Variants in PCDHGB3 observed in about 807,000 individuals in gnomAD.
The protein encoded by PCDHGB3 is protocadherin gamma-B3.
A neutral mutation model predicts 59.2 loss-of-function variants in PCDHGB3; 40 were observed. That is an observed-to-expected ratio of 0.68 (90% CI 0.52 to 0.88). The LOEUF (loss-of-function observed/expected upper bound fraction) is 0.88, where lower values mean the gene tolerates loss of function less well. Among genes scored for constraint, PCDHGB3 ranks in the 40% least tolerant of loss-of-function variants. The probability of loss-of-function intolerance (pLI) is 0.00; values close to 1 mark genes in which losing one functional copy is unlikely to be tolerated. For missense variants in PCDHGB3, 1,309 were observed against 1,187.9 expected, an observed-to-expected ratio of 1.10 and a Z score of -1.50; for synonymous variants, 581 against 503.6, an observed-to-expected ratio of 1.15 and a Z score of -2.06.
intron 1 of PCDHGB3, chr5:141,414,697 T>C (rs748722995): frequency 6.2e-7 from 1 of 1,614,036 alleles, no homozygotes; most frequent in Non-Finnish European, 8.5e-7. Flanking sequence ...TCTGTCCTCA[T>C]ACATATCCAT....
intron 1 of PCDHGB3, among the ~76,000 whole-genome samples, chr5:141,482,828 T>G (rs1274498876): frequency 4.4e-5 from 6 of 135,272 alleles, no homozygotes; most frequent in Non-Finnish European, 9.5e-5. Flanking sequence ...TCCTAGCACT[T>G]TGGGAGGCCA....
intron 1 of PCDHGB3, chr5:141,393,114 CG>C: frequency 6.2e-7 from 1 of 1,613,418 alleles, no homozygotes; most frequent in Non-Finnish European, 8.5e-7. Flanking sequence ...TCAGAGCCCG[CG>C]GTGTCTGATA....
rs768990626 is a variant in PCDHGB3, at chr5:141,427,590, C to T, written c.2415+54781C>T. On this transcript the variant is annotated intron_variant, in intron 1 of 3. Coordinates refer to ENST00000576222, the MANE Select transcript of PCDHGB3 (RefSeq NM_018924.5). ...GCCTCCGCTCTCATCCAGCACAAGCCTCACCCTACGCATTGGTGAAGTCAA... is the reference window on the plus strand; with the variant it reads ...GCCTCCGCTCTCATCCAGCACAAGCTTCACCCTACGCATTGGTGAAGTCAA... 44 of 678,892 alleles carry T rather than the reference C, an allele frequency of 6.5e-5. No individual in the cohort carries two copies. In the Admixed American group the frequency reaches 8.5e-4, roughly 13 times the overall value. The allele number at this position is 678,892 out of a possible 1,614,324, so 42.1% of individuals were successfully genotyped here.
At chr5:141,471,111 C>T (rs529680278) in intron 1 of PCDHGB3, among the ~76,000 whole-genome samples, 1 of 146,150 alleles carries the variant, frequency 6.8e-6, no homozygotes, top group African/African-American at 2.6e-5. Flanking sequence ...TGCAGTGGTG[C>T]GATCTTACCT....
At chr5:141,461,507 T>C (rs1271911872) in intron 1 of PCDHGB3, among the ~76,000 whole-genome samples, 1 of 152,316 alleles carries the variant, frequency 6.6e-6, no homozygotes, top group East Asian at 1.9e-4. Context: ...TTCTTGGTGA[T>C]TTGTTAGTTC....
At chr5:141,506,487 G>A (rs1265051912) in intron 3 of PCDHGB3, among the ~76,000 whole-genome samples, 3 of 150,464 alleles carry the variant, frequency 2.0e-5, no homozygotes, top group Non-Finnish European at 4.4e-5. Flanking sequence ...TTAGAGGCAG[G>A]CCAATCTGGA....
chr5:141,432,286 C>T lies in PCDHGB3; in HGVS notation c.2415+59477C>T. ...TATCGTCCTACGTGTCCATCAACTCCGACACTGGGGTACTGTATGCGCTGA... is the reference window on the plus strand; with the variant it reads ...TATCGTCCTACGTGTCCATCAACTCTGACACTGGGGTACTGTATGCGCTGA... On this transcript the variant is annotated intron_variant, in intron 1 of 3. Transcript: ENST00000576222. This position sits in a 1 kb window ranked among gnomAD's most constrained non-coding sequence, Gnocchi z 6.0. 3 of 1,614,252 alleles carry T rather than the reference C, an allele frequency of 1.9e-6. No homozygotes were observed. Among genetic ancestry groups the T allele is most frequent in the Non-Finnish European group, 2.5e-6 (3 of 1,180,048 alleles).
At chr5:141,508,835 C>T (rs1190105775) in intron 3 of PCDHGB3, among the ~76,000 whole-genome samples, 12 of 152,158 alleles carry the variant, frequency 7.9e-5, no homozygotes, top group African/African-American at 2.9e-4. Flanking sequence ...CCCCCCTCCC[C>T]TACCCCTTCC....
chr5:141,388,793 T>C, intron 1 of PCDHGB3: 1 of 1,613,918 alleles, frequency 6.2e-7, no homozygotes, highest in South Asian at 1.1e-5. Flanking sequence ...CTGTTTTAAA[T>C]ACATTAGATT....
intron 1 of PCDHGB3, among the ~76,000 whole-genome samples, chr5:141,474,463 T>C (rs1447737626): frequency 6.6e-6 from 1 of 152,228 alleles, no homozygotes; most frequent in Admixed American, 6.5e-5. Flanking sequence ...GCTATACTCT[T>C]TATTCTAAAT....
At chr5:141,421,829 T>G in intron 1 of PCDHGB3, 5 of 1,613,784 alleles carry the variant, frequency 3.1e-6, no homozygotes, top group Non-Finnish European at 4.2e-6. Context: ...GAGGGAAGCC[T>G]GGACCGAGAG....
At chr5:141,422,899 G>C (rs759972749) in intron 1 of PCDHGB3, 13 of 1,614,116 alleles carry the variant, frequency 8.1e-6, no homozygotes, top group Middle Eastern at 3.3e-4. Context: ...GGACCAGAAC[G>C]ACAATGCGCC....
At chr5:141,408,055 C>CCGG in intron 1 of PCDHGB3, 1 of 1,299,130 alleles carries the variant, frequency 7.7e-7, no homozygotes, top group South Asian at 1.6e-5. Flanking sequence ...ACAGAGCCTC[C>CCGG]CGGCTGCGCA....
At chr5:141,388,513 T>A in intron 1 of PCDHGB3, 2 of 1,613,840 alleles carry the variant, frequency 1.2e-6, no homozygotes, top group Non-Finnish European at 1.7e-6. Context: ...TCCTACCACT[T>A]GACTTTGACT....
At chr5:141,393,735 G>C (rs1478004701) in intron 1 of PCDHGB3, 3 of 1,613,740 alleles carry the variant, frequency 1.9e-6, no homozygotes, top group Non-Finnish European at 1.7e-6. Context: ...AAAAAGTCTA[G>C]ATTATGAAGA....
intron 1 of PCDHGB3, chr5:141,385,154 C>G (rs761681846): frequency 6.2e-7 from 1 of 1,614,208 alleles, no homozygotes; most frequent in Non-Finnish European, 8.5e-7. Flanking sequence ...TTCCTGCAGA[C>G]CTATTCCCAT....
At chr5:141,388,486 A>G in intron 1 of PCDHGB3, 1 of 1,613,858 alleles carries the variant, frequency 6.2e-7, no homozygotes, top group Non-Finnish European at 8.5e-7. Context: ...ACACCTTTGG[A>G]CAGAGAAAAG....
intron 1 of PCDHGB3, chr5:141,395,894 C>T (rs768471284): frequency 6.6e-6 from 1 of 152,020 alleles, no homozygotes; most frequent in Non-Finnish European, 1.5e-5. Flanking sequence ...CACCTGGGCT[C>T]CATGCCCATG....
Position 141,491,302 on chromosome 5 carries a change from T to TC in PCDHGB3, c.2416-3504dup. The TC allele has an allele frequency of 6.2e-7, 1 of 1,614,126 alleles. No individual in the cohort carries two copies. Among genetic ancestry groups the TC allele is most frequent in the Non-Finnish European group, 8.5e-7 (1 of 1,180,000 alleles). On this transcript the variant is annotated intron_variant, in intron 1 of 3. Transcript: ENST00000576222. The surrounding 1 kb of genome is among the most constrained non-coding windows in gnomAD (Gnocchi z 6.9). ...CTTCCTCATACACCCTCCTGAGCGT[T>TC]CAGACCTTACCCTTTACCTCATTGT... is the stretch of plus-strand genomic sequence containing the variant.
Sources: gnomAD v4.1 joint callset for allele counts (sites outside exome capture counted in the v4.1 genomes callset) on GRCh38, gnomAD v4.1.1 for gene constraint, Gnocchi (gnomAD v3.1) non-coding constraint, MANE v1.5 for transcripts, NCBI Gene and HGNC (gene_info 2026-07-23, HGNC 2026-07-21) for gene names.